ST6GALNAC3: variants seen among roughly 807,000 people sequenced by gnomAD.
ST6GALNAC3 encodes the protein ST6 N-acetylgalactosaminide alpha-2,6-sialyltransferase 3, also known as alpha-N-acetylgalactosaminide alpha-2,6-sialyltransferase 3.
Under a neutral mutation model 32.7 loss-of-function variants are expected in ST6GALNAC3, and 25 were observed. The ratio of observed to expected loss-of-function variants is 0.76; its 90% CI spans 0.56 to 1.07. The LOEUF (loss-of-function observed/expected upper bound fraction) is 1.07, where lower values mean the gene tolerates loss of function less well. ST6GALNAC3 is among the 50% of genes least tolerant of loss of function. ST6GALNAC3 has a pLI of 0.00. For synonymous variants in ST6GALNAC3, 129 were observed against 133.1 expected (o/e 0.97, Z 0.21); for missense variants, 355 against 382.4 (o/e 0.93, Z 0.60).
chr1:76,166,576 T>C (rs1372016190), intron 1 of ST6GALNAC3, among the ~76,000 whole-genome samples: 1 of 152,230 alleles, frequency 6.6e-6, no homozygotes, highest in African/African-American at 2.4e-5. Context: ...ATTGAATCTA[T>C]AAAATACTTT....
chr1:76,101,890 AT>A (rs1211537275), intron 1 of ST6GALNAC3, among the ~76,000 whole-genome samples: 4 of 152,110 alleles, frequency 2.6e-5, no homozygotes. Flanking sequence ...GATGTGTTTG[AT>A]TTCATAACAT....
At chr1:76,415,873 A>G (rs1298652090) in intron 3 of ST6GALNAC3, among the ~76,000 whole-genome samples, 8 of 152,084 alleles carry the variant, frequency 5.3e-5, no homozygotes, top group Non-Finnish European at 8.8e-5. Flanking sequence ...TTGTTTAAAG[A>G]TAAAATCGTT....
At chr1:76,545,804 G>GC (rs564193455) in intron 3 of ST6GALNAC3, among the ~76,000 whole-genome samples, 2,936 of 151,830 alleles carry the variant, frequency 0.019, 35 homozygotes, top group Non-Finnish European at 0.029. Context: ...TTACAGGCAT[G>GC]CCCCCCCACA....
chr1:76,562,912 A>C (rs1665330875), intron 3 of ST6GALNAC3, among the ~76,000 whole-genome samples: 1 of 152,136 alleles, frequency 6.6e-6, no homozygotes, highest in African/African-American at 2.4e-5. Context: ...CAGCTTTCTC[A>C]TCCCAAATAT....
intron 2 of ST6GALNAC3, among the ~76,000 whole-genome samples, chr1:76,389,012 CTTT>C (rs371619828): frequency 7.9e-6 from 1 of 127,366 alleles, no homozygotes; most frequent in Non-Finnish European, 1.6e-5. Flanking sequence ...GGTATATTTC[CTTT>C]TTTTTTTTTT....
In ST6GALNAC3 at chr1:76,345,265, G is replaced by T. The variant is rs143346939; in HGVS notation, c.213+31266G>T. ...TAAAGCTGTTGACTAACTTCAAAAA[G>T]AATCTTTTTGAATTCCTTTTACTCA... On this transcript the variant is annotated intron_variant, in intron 2 of 4. Coordinates refer to ENST00000328299, the MANE Select transcript of ST6GALNAC3 (RefSeq NM_152996.4). Among the ~76,000 whole-genome samples, 631 of 152,136 alleles carry T rather than the reference G, an allele frequency of 4.1e-3. 3 individuals carry two copies. The highest frequency in any genetic ancestry group is 0.015 in the African/African-American group (611 of 41,498).
intron 1 of ST6GALNAC3, among the ~76,000 whole-genome samples, chr1:76,153,124 T>C (rs1320589852): frequency 6.6e-6 from 1 of 152,192 alleles, no homozygotes; most frequent in Non-Finnish European, 1.5e-5. Flanking sequence ...TCCTCAGATA[T>C]TCAGTAATGG....
chr1:76,381,014 G>C (rs1439093677), intron 2 of ST6GALNAC3, among the ~76,000 whole-genome samples: 1 of 152,064 alleles, frequency 6.6e-6, no homozygotes, highest in East Asian at 1.9e-4. Flanking sequence ...GGCTCTAGGA[G>C]TGTGTAACTC....
chr1:76,527,153 A>T (rs1662962071), intron 3 of ST6GALNAC3, among the ~76,000 whole-genome samples: 1 of 152,022 alleles, frequency 6.6e-6, no homozygotes. Flanking sequence ...CTCCTTTGTC[A>T]AGTCTCTTTT....
chr1:76,376,772 A>G (rs1015003244), intron 2 of ST6GALNAC3, among the ~76,000 whole-genome samples: 7 of 152,036 alleles, frequency 4.6e-5, no homozygotes, highest in Non-Finnish European at 7.4e-5. Context: ...TTGCCATTTA[A>G]TTGTTTGTTT....
chr1:76,286,476 G>A (rs1422003649), intron 1 of ST6GALNAC3, among the ~76,000 whole-genome samples: 1 of 152,122 alleles, frequency 6.6e-6, no homozygotes, highest in Non-Finnish European at 1.5e-5. Context: ...AAACTACATC[G>A]GACGCCAGTC....
At chr1:76,273,326 A>G (rs1658956860) in intron 1 of ST6GALNAC3, among the ~76,000 whole-genome samples, 1 of 152,188 alleles carries the variant, frequency 6.6e-6, no homozygotes, top group Non-Finnish European at 1.5e-5. Context: ...AGGAAAAAAA[A>G]ACAAGTAAGA....
chr1:76,567,740 G>A (rs1665636540), intron 3 of ST6GALNAC3, among the ~76,000 whole-genome samples: 1 of 152,136 alleles, frequency 6.6e-6, no homozygotes, highest in African/African-American at 2.4e-5. Flanking sequence ...AACCTACAGT[G>A]CATTTCAGTT....
chr1:76,129,624 A>G (rs769229615), intron 1 of ST6GALNAC3, among the ~76,000 whole-genome samples: 6 of 152,132 alleles, frequency 3.9e-5, no homozygotes, highest in African/African-American at 9.7e-5. Context: ...GAGGTGCAGC[A>G]TATGCCATGG....
chr1:76,562,269 A>G (rs1438990395), intron 3 of ST6GALNAC3, among the ~76,000 whole-genome samples: 2 of 152,222 alleles, frequency 1.3e-5, no homozygotes, highest in Non-Finnish European at 2.9e-5. Context: ...ATCAAAATAA[A>G]ACTCTTAAAA....
intron 2 of ST6GALNAC3, among the ~76,000 whole-genome samples, chr1:76,379,576 T>G (rs1169086056): frequency 6.6e-6 from 1 of 152,128 alleles, no homozygotes; most frequent in Non-Finnish European, 1.5e-5. Context: ...GGTTTGGGGT[T>G]ATTGAGAACT....
At chr1:76,453,673 A>G (rs1396770562) in intron 3 of ST6GALNAC3, among the ~76,000 whole-genome samples, 1 of 152,104 alleles carries the variant, frequency 6.6e-6, no homozygotes, top group Non-Finnish European at 1.5e-5. Flanking sequence ...TCTTAAATTT[A>G]TTGAAACTTG....
At chr1:76,576,748 A>G (rs1646815388) in intron 3 of ST6GALNAC3, 3 of 929,308 alleles carry the variant, frequency 3.2e-6, no homozygotes, top group Non-Finnish European at 4.6e-6. Flanking sequence ...GTTTCACAGT[A>G]GGTATAAGGA....
chr1:76,458,835 GTAAC>G (rs781553379), intron 3 of ST6GALNAC3, among the ~76,000 whole-genome samples: 3 of 151,448 alleles, frequency 2.0e-5, no homozygotes, highest in Non-Finnish European at 4.4e-5. Flanking sequence ...GTGTACATAT[GTAAC>G]TAACCTGCAC....
Sources: allele counts gnomAD v4.1 joint callset (sites outside exome capture counted in the v4.1 genomes callset), GRCh38; gene constraint gnomAD v4.1.1; transcripts MANE v1.5; gene names NCBI Gene and HGNC (gene_info 2026-07-23, HGNC 2026-07-21).